The following PDE10A variants were observed in gnomAD, a reference collection of about 807,000 sequenced individuals.
The protein encoded by PDE10A is phosphodiesterase 10A, also known as cAMP and cAMP-inhibited cGMP 3',5'-cyclic phosphodiesterase 10A.
A neutral mutation model predicts 97.7 loss-of-function variants in PDE10A; 39 were observed. The ratio of observed to expected loss-of-function variants is 0.40; its 90% CI spans 0.31 to 0.52. PDE10A has a LOEUF of 0.52. PDE10A is among the 20% of genes least tolerant of loss of function. PDE10A has a pLI of 0.56. For missense variants in PDE10A, 731 were observed against 1,047.8 expected, an observed-to-expected ratio of 0.70 and a Z score of 4.17; for synonymous variants, 371 against 376.8, an observed-to-expected ratio of 0.98 and a Z score of 0.18.
chr6:165,797,262 C>T (rs747768895), intron 1 of PDE10A, among the ~76,000 whole-genome samples: 2 of 152,198 alleles, frequency 1.3e-5, no homozygotes, highest in African/African-American at 2.4e-5. Flanking sequence ...ATCCTTCAAT[C>T]TCTCTATTGT....
chr6:165,345,028 C>T (rs1782215054), intron 18 of PDE10A, among the ~76,000 whole-genome samples: 1 of 151,634 alleles, frequency 6.6e-6, no homozygotes, highest in Non-Finnish European at 1.5e-5. Flanking sequence ...AATATATGAC[C>T]TTTTTTTTCA....
intron 1 of PDE10A, among the ~76,000 whole-genome samples, chr6:165,938,945 C>T (rs566574158): frequency 6.6e-6 from 1 of 152,300 alleles, no homozygotes; most frequent in South Asian, 2.1e-4. Context: ...TATTGCAGCT[C>T]TGTTTATAGC....
At chr6:165,466,225 C>T (rs1398450861) in intron 3 of PDE10A, among the ~76,000 whole-genome samples, 1 of 152,122 alleles carries the variant, frequency 6.6e-6, no homozygotes, top group African/African-American at 2.4e-5. Context: ...AAAAGGTTCA[C>T]AAGATGAAAA....
intron 1 of PDE10A, among the ~76,000 whole-genome samples, chr6:165,656,325 G>A (rs2983530): frequency 0.68 from 101,027 of 148,260 alleles, 35,986 homozygotes; most frequent in Middle Eastern, 0.8. Context: ...TAAGGAGTCA[G>A]ATGTCTCCTG....
intron 1 of PDE10A, among the ~76,000 whole-genome samples, chr6:165,919,495 T>A (rs1782694807): frequency 6.6e-6 from 1 of 152,246 alleles, no homozygotes; most frequent in Non-Finnish European, 1.5e-5. Context: ...GTCAGCAAAC[T>A]TTTTCTGTTA....
At chr6:165,928,114 A>C (rs1002966040) in intron 1 of PDE10A, among the ~76,000 whole-genome samples, 8 of 151,750 alleles carry the variant, frequency 5.3e-5, no homozygotes, top group African/African-American at 1.9e-4. Flanking sequence ...TTATATAAAC[A>C]CTATGTATAC....
rs769654173 is a variant in PDE10A, at chr6:165,331,262, C to T, written c.*1763G>A. The T allele has an allele frequency of 6.6e-6, 1 of 152,152 alleles. No homozygotes were observed. The highest frequency in any genetic ancestry group is 1.9e-4 in the East Asian group (1 of 5,196). 9.4% of individuals were successfully genotyped at this position (152,152 alleles called of 1,614,324 possible). On this transcript the variant is annotated 3_prime_UTR_variant, in exon 22 of 22. Transcript: ENST00000539869. ...TATATCTAGCCACAGTGGTACTTCTCTCTCTTTTGTTATTACATTTTACCT... is the reference window on the plus strand; with the variant it reads ...TATATCTAGCCACAGTGGTACTTCTTTCTCTTTTGTTATTACATTTTACCT...
intron 1 of PDE10A, among the ~76,000 whole-genome samples, chr6:165,931,317 G>A (rs887711570): frequency 2.0e-5 from 3 of 152,224 alleles, no homozygotes; most frequent in Admixed American, 2.0e-4. Context: ...CACAAGAATA[G>A]ATACCACATC....
intron 17 of PDE10A, among the ~76,000 whole-genome samples, chr6:165,387,363 G>T (rs220804): frequency 0.73 from 111,329 of 152,102 alleles, 41,918 homozygotes; most frequent in African/African-American, 0.89. Flanking sequence ...GGACTGAGCA[G>T]GCAGCACTAC....
At chr6:165,745,647 T>C (rs1043284189) in intron 1 of PDE10A, among the ~76,000 whole-genome samples, 1 of 152,246 alleles carries the variant, frequency 6.6e-6, no homozygotes, top group African/African-American at 2.4e-5. Context: ...ACTTGGCTTA[T>C]TAACTACAAC....
At chr6:165,429,292 T>G (rs1180006013) in intron 9 of PDE10A, among the ~76,000 whole-genome samples, 1 of 151,982 alleles carries the variant, frequency 6.6e-6, no homozygotes, top group Non-Finnish European at 1.5e-5. Flanking sequence ...GTGCATATAC[T>G]AAAATGTCAA....
At chr6:165,478,640 T>C (rs1779428357) in intron 3 of PDE10A, among the ~76,000 whole-genome samples, 2 of 152,192 alleles carry the variant, frequency 1.3e-5, no homozygotes, top group Admixed American at 1.3e-4. Context: ...GAAATGGCCC[T>C]GCAAAGCTGT....
intron 3 of PDE10A, among the ~76,000 whole-genome samples, chr6:165,458,892 T>G (rs752516066): frequency 5.3e-5 from 8 of 152,124 alleles, no homozygotes; most frequent in Non-Finnish European, 1.0e-4. Context: ...TCACCTGTTG[T>G]CCCAAAAATG....
intron 2 of PDE10A, among the ~76,000 whole-genome samples, chr6:165,504,353 A>G (rs1169001458): frequency 6.6e-6 from 1 of 152,252 alleles, no homozygotes; most frequent in Admixed American, 6.5e-5. Flanking sequence ...TTAAACCGTG[A>G]TAGCATTAAA....
chr6:165,753,813 A>G (rs1793059291), intron 1 of PDE10A, among the ~76,000 whole-genome samples: 1 of 152,246 alleles, frequency 6.6e-6, no homozygotes, highest in Non-Finnish European at 1.5e-5. Context: ...TCCATATTGG[A>G]ATGAGCATAG....
intron 1 of PDE10A, among the ~76,000 whole-genome samples, chr6:165,615,521 A>G (rs1049616693): frequency 1.3e-5 from 2 of 152,216 alleles, no homozygotes; most frequent in African/African-American, 4.8e-5. Flanking sequence ...GGATATTTTC[A>G]CTTTATTGAG....
chr6:165,694,478 G>A (rs915184214), intron 1 of PDE10A, among the ~76,000 whole-genome samples: 3 of 152,198 alleles, frequency 2.0e-5, no homozygotes. Flanking sequence ...CAGGGCTAGC[G>A]TTTGCATTCA....
Position 165,336,305 on chromosome 6 carries a change from AG to A in PDE10A, c.2977-95del, listed in dbSNP as rs1781643312. ...TTCTTAAGTGACTGTTCTGTTTCTG[AG>A]GCCTAATTATAAAATTGCATGTTCT... On this transcript the variant is annotated intron_variant, in intron 20 of 21. Transcript: ENST00000539869. The A allele has an allele frequency of 6.1e-6, 5 of 819,504 alleles. No individual in the cohort carries two copies. The East Asian group carries it at 1.3e-4, about 21-fold the overall frequency. The allele number at this position is 819,504 out of a possible 1,614,324, so 50.8% of individuals were successfully genotyped here.
At chr6:165,503,009 A>T (rs2128296006) in intron 2 of PDE10A, among the ~76,000 whole-genome samples, 1 of 152,330 alleles carries the variant, frequency 6.6e-6, no homozygotes, top group South Asian at 2.1e-4. Flanking sequence ...TTATACCTCA[A>T]TAAAGCTGAT....
Sources: gnomAD v4.1 joint callset for allele counts (sites outside exome capture counted in the v4.1 genomes callset) on GRCh38, gnomAD v4.1.1 for gene constraint, MANE v1.5 for transcripts, NCBI Gene and HGNC (gene_info 2026-07-23, HGNC 2026-07-21) for gene names.